Variants in EHD1 observed in about 807,000 individuals in gnomAD.
EHD1 encodes the protein EH domain-containing protein 1.
EHD1 carries 19 observed loss-of-function variants against 39.0 expected under a neutral mutation model. That is an observed-to-expected ratio of 0.49 (90% confidence interval 0.34 to 0.72). EHD1 has a LOEUF of 0.72. EHD1 is among the 30% of genes least tolerant of loss of function. EHD1 has a pLI of 0.01. For synonymous variants in EHD1, 323 were observed against 331.2 expected, an observed-to-expected ratio of 0.98 and a Z score of 0.27; for missense variants, 542 against 751.5, an observed-to-expected ratio of 0.72 and a Z score of 3.26.
chr11:64,854,576 C>A lies in EHD1; in HGVS notation c.1362G>T (p.Thr454=), dbSNP rs535486154. ...DKPTYDEIFY[T]LSPVNGKITG... ...TGATCTTGCCGTTGACAGGGGACAG[C>A]GTGTAGAAGATCTCGTCGTAGGTGG... Residue 454 remains threonine (T), a synonymous_variant, in exon 5 of 5, where the codon ACG becomes ACT. Transcript: ENST00000320631. 23 of 1,614,152 alleles carry A rather than the reference C, an allele frequency of 1.4e-5. No individual in the cohort carries two copies. Among genetic ancestry groups the A allele is most frequent in the Non-Finnish European group, 1.9e-5 (23 of 1,180,006 alleles).
chr11:64,877,295 G>A (rs564100576), intron 1 of EHD1, among the ~76,000 whole-genome samples: 1 of 152,148 alleles, frequency 6.6e-6, no homozygotes, highest in Non-Finnish European at 1.5e-5. Flanking sequence ...CTCTCCTCGC[G>A]TGCAGAGGCC....
intron 2 of EHD1, among the ~76,000 whole-genome samples, chr11:64,860,949 G>A (rs1200717457): frequency 6.6e-6 from 1 of 151,484 alleles, no homozygotes; most frequent in Non-Finnish European, 1.5e-5. Flanking sequence ...GAACCTGGGC[G>A]GCAGAGGTTG....
intron 2 of EHD1, among the ~76,000 whole-genome samples, chr11:64,873,945 G>A (rs1943857365): frequency 6.6e-6 from 1 of 151,006 alleles, no homozygotes; most frequent in Non-Finnish European, 1.5e-5. Context: ...CCAAAGTGCT[G>A]GGATTACAAG....
chr11:64,869,088 G>C (rs945851869), intron 2 of EHD1, among the ~76,000 whole-genome samples: 4 of 152,246 alleles, frequency 2.6e-5, no homozygotes, highest in Non-Finnish European at 5.9e-5. Context: ...CTCAGATTCT[G>C]ATGGGTGTGT....
rs372359613 is a variant in EHD1 at position 64,856,363 on chromosome 11, C to T, written c.916-877G>A. ...CACGCTCCACTCCATCATCACAGCT[C>T]GGATGACGAAGGATTTGAAAAATCC... On this transcript the variant is annotated intron_variant, in intron 3 of 4. Coordinates refer to ENST00000320631, the MANE Select transcript of EHD1 (RefSeq NM_006795.4). 361 of 152,410 alleles carry T rather than the reference C, an allele frequency of 2.4e-3. 1 individual carries two copies. Among genetic ancestry groups the T allele is most frequent in the Non-Finnish European group, 3.2e-3 (219 of 68,080 alleles). 9.4% of individuals were successfully genotyped at this position (152,410 alleles called of 1,614,324 possible). A position where few individuals can be genotyped will look rare whatever the true frequency, so the allele number is the denominator to read the frequency against.
At chr11:64,873,979 A>AT (rs1214387460) in intron 2 of EHD1, among the ~76,000 whole-genome samples, 29 of 140,146 alleles carry the variant, frequency 2.1e-4, no homozygotes, top group South Asian at 4.8e-4. Context: ...GCCCGGCCAC[A>AT]TTTTTTTTTT....
chr11:64,865,120 A>T (rs1943754087), intron 2 of EHD1, among the ~76,000 whole-genome samples: 1 of 152,232 alleles, frequency 6.6e-6, no homozygotes, highest in African/African-American at 2.4e-5. Context: ...TTTTGCTGTG[A>T]GGGAAACACA....
At chr11:64,869,225 C>T (rs755541545) in intron 2 of EHD1, among the ~76,000 whole-genome samples, 16 of 152,356 alleles carry the variant, frequency 1.1e-4, no homozygotes, top group Admixed American at 5.2e-4. Context: ...GTGCTGAGCG[C>T]GGGCAGCGCC....
intron 1 of EHD1, among the ~76,000 whole-genome samples, chr11:64,874,913 A>G (rs1471642286): frequency 6.6e-6 from 1 of 152,192 alleles, no homozygotes. Flanking sequence ...ACTTGGCTAA[A>G]TCTCCACACT....
chr11:64,862,969 G>A (rs1182667888), intron 2 of EHD1, among the ~76,000 whole-genome samples: 1 of 152,212 alleles, frequency 6.6e-6, no homozygotes, highest in Non-Finnish European at 1.5e-5. Flanking sequence ...TGACAGGCGG[G>A]CCATGTGGAA....
At chr11:64,855,210 G>T in intron 4 of EHD1, 112 bp downstream of exon 4, 1 of 1,444,302 alleles carries the variant, frequency 6.9e-7, no homozygotes, top group Non-Finnish European at 9.1e-7. Context: ...AGCTGCTTCC[G>T]TTCAGGGAGG....
chr11:64,874,795 C>CT lies in EHD1; in HGVS notation c.405-278dup, dbSNP rs149882156. On this transcript the variant is annotated intron_variant, in intron 1 of 4. Transcript: ENST00000320631. ...AGAGTTTGAGAGGTCAACTTTCAAGCTGCTGACTTGTTAGTGAAAACTGTG... is the reference window on the plus strand; with the variant it reads ...AGAGTTTGAGAGGTCAACTTTCAAGCTTGCTGACTTGTTAGTGAAAACTGTG... Among the ~76,000 whole-genome samples, 598 of 152,346 alleles carry CT rather than the reference C, an allele frequency of 3.9e-3. 3 individuals carry two copies. The highest frequency in any genetic ancestry group is 0.013 in the African/African-American group (549 of 41,564).
chr11:64,861,058 T>A (rs1449255700), intron 2 of EHD1, among the ~76,000 whole-genome samples: 1 of 147,972 alleles, frequency 6.8e-6, no homozygotes, highest in African/African-American at 2.5e-5. Flanking sequence ...TGGTGGCACA[T>A]GCCTGTAGTC....
intron 2 of EHD1, among the ~76,000 whole-genome samples, chr11:64,866,038 C>T (rs1399450497): frequency 3.3e-5 from 5 of 152,142 alleles, no homozygotes; most frequent in African/African-American, 1.2e-4. Flanking sequence ...AATCATTCTG[C>T]CATAAGGACA....
At chr11:64,872,476 T>C (rs542103414) in intron 2 of EHD1, among the ~76,000 whole-genome samples, 1 of 151,904 alleles carries the variant, frequency 6.6e-6, no homozygotes, top group South Asian at 2.1e-4. Context: ...AATAAAAGAG[T>C]AACTTAATCA....
Position 64,854,177 on chromosome 11 carries a change from G to A in EHD1, c.*156C>T. ...CCCCTGCCTCCCCCGCCAGGCCCAG[G>A]AACAGCCTTAAAAGAAAGATGGTGG... On this transcript the variant is annotated 3_prime_UTR_variant, in exon 5 of 5. Coordinates refer to ENST00000320631, the MANE Select transcript of EHD1 (RefSeq NM_006795.4). The A allele has an allele frequency of 7.7e-7, 1 of 1,304,198 alleles. No individual in the cohort carries two copies. Among genetic ancestry groups the A allele is most frequent in the Non-Finnish European group, 1.0e-6 (1 of 979,950 alleles). 80.8% of individuals were successfully genotyped at this position (1,304,198 alleles called of 1,614,324 possible). A position where few individuals can be genotyped will look rare whatever the true frequency, so the allele number is the denominator to read the frequency against.
chr11:64,854,472 T>C lies in EHD1; in HGVS notation c.1466A>G (p.Asp489Gly). 6.2e-7 allele frequency: 1 copy of C among 1,614,166 alleles called. No individual in the cohort carries two copies. The highest frequency in any genetic ancestry group is 8.5e-7 in the Non-Finnish European group (1 of 1,180,002). Reference protein sequence around the residue: ...TVLGKIWKLADVDKDGLLDDE... With the variant: ...TVLGKIWKLAGVDKDGLLDDE... The stretch of plus-strand genomic sequence containing the variant: ...GTCCAGCAGCCCGTCCTTGTCCACG[T>C]CGGCCAGCTTCCAGATCTTCCCTAG... Residue 489 changes from aspartate to glycine, a missense_variant, in exon 5 of 5, where the codon GAC (aspartate) becomes GGC (glycine). By Grantham distance (94) the Asp-to-Gly change is moderately conservative. Transcript: ENST00000320631.
At chr11:64,877,353 C>G (rs1248034630) in intron 1 of EHD1, among the ~76,000 whole-genome samples, 2 of 152,208 alleles carry the variant, frequency 1.3e-5, no homozygotes, top group Non-Finnish European at 2.9e-5. Flanking sequence ...ACCTCAGATT[C>G]TGTCCCTCAG....
rs1943616019 is a variant in EHD1, at chr11:64,854,199, G to C, written c.*134C>G. 1 of 1,388,510 alleles carries C rather than the reference G, an allele frequency of 7.2e-7. No individual in the cohort carries two copies. Among genetic ancestry groups the C allele is most frequent in the Non-Finnish European group, 9.5e-7 (1 of 1,055,876 alleles). The allele number at this position is 1,388,510 out of a possible 1,614,324, so 86.0% of individuals were successfully genotyped here. A position where few individuals can be genotyped will look rare whatever the true frequency, so the allele number is the denominator to read the frequency against. On this transcript the variant is annotated 3_prime_UTR_variant, in exon 5 of 5. Coordinates refer to ENST00000320631, the MANE Select transcript of EHD1 (RefSeq NM_006795.4). ...CAGGAACAGCCTTAAAAGAAAGATG[G>C]TGGTTTTCCTTTTCGAGAGGCGAGG...
Sources: allele counts gnomAD v4.1 joint callset (sites outside exome capture counted in the v4.1 genomes callset), GRCh38; gene constraint gnomAD v4.1.1; transcripts MANE v1.5; gene names NCBI Gene and HGNC (gene_info 2026-07-23, HGNC 2026-07-21).